Variants in CRYM observed in about 807,000 individuals in gnomAD.
CRYM encodes the protein crystallin mu.
Under a neutral mutation model 32.9 loss-of-function variants are expected in CRYM, and 18 were observed. The observed-to-expected ratio is 0.55, with a 90% CI of 0.38 to 0.81. The LOEUF (loss-of-function observed/expected upper bound fraction) is 0.81, where lower values mean the gene tolerates loss of function less well. CRYM is among the 30% of genes least tolerant of loss of function. The pLI, the probability that CRYM is intolerant of heterozygous loss-of-function variation, is 0.00. For synonymous variants in CRYM, 153 were observed against 152.4 expected (o/e 1.00, Z -0.03); for missense variants, 337 against 393.5 (o/e 0.86, Z 1.21).
At chr16:21,302,063 C>A (rs958931560) in intron 1 of CRYM, among the ~76,000 whole-genome samples, 1 of 152,194 alleles carries the variant, frequency 6.6e-6, no homozygotes, top group Non-Finnish European at 1.5e-5. Context: ...TTCCTCATCC[C>A]CCCGCCAACA....
intron 2 of CRYM, among the ~76,000 whole-genome samples, chr16:21,275,978 A>G (rs2093385395): frequency 6.6e-6 from 1 of 152,174 alleles, no homozygotes; most frequent in African/African-American, 2.4e-5. Context: ...TTGCCAATTG[A>G]CATCTGGACA....
intron 4 of CRYM, among the ~76,000 whole-genome samples, chr16:21,268,377 C>T (rs918330590): frequency 1.3e-5 from 2 of 152,146 alleles, no homozygotes; most frequent in African/African-American, 4.8e-5. Flanking sequence ...ATGGTAGCTA[C>T]GGCTGGAATC....
chr16:21,299,789 C>T (rs749306271), intron 1 of CRYM: 2 of 152,150 alleles, frequency 1.3e-5, no homozygotes, highest in African/African-American at 2.4e-5. Context: ...GTCATATTGC[C>T]TTTTGTATTA....
intron 1 of CRYM, among the ~76,000 whole-genome samples, chr16:21,302,730 G>A (rs961001455): frequency 6.6e-6 from 1 of 152,180 alleles, no homozygotes; most frequent in African/African-American, 2.4e-5. Flanking sequence ...CTGGGAGATA[G>A]GGGGACCGTC....
chr16:21,263,992 A>G (rs1202375143), intron 5 of CRYM, among the ~76,000 whole-genome samples: 1 of 152,260 alleles, frequency 6.6e-6, no homozygotes, highest in Admixed American at 6.5e-5. Flanking sequence ...AGATTACTCT[A>G]TGGTCCAAAC....
At chr16:21,267,460 T>G (rs1358787338) in intron 5 of CRYM, 94 bp downstream of exon 5, 1 of 1,318,676 alleles carries the variant, frequency 7.6e-7, no homozygotes, top group Non-Finnish European at 1.1e-6. Flanking sequence ...GCATTCTGCA[T>G]GAATAAACTG....
intron 7 of CRYM, among the ~76,000 whole-genome samples, chr16:21,259,383 C>CACTTGT (rs991675605): frequency 7.9e-5 from 12 of 152,074 alleles, no homozygotes; most frequent in African/African-American, 2.9e-4. Flanking sequence ...GCTGGGCTTA[C>CACTTGT]AGGCATGAGC....
intron 5 of CRYM, 99 bp from the exon 6 acceptor site, chr16:21,262,257 ACACT>A: frequency 6.8e-7 from 1 of 1,478,280 alleles, no homozygotes. Context: ...ACTCGTGAAC[ACACT>A]CAGATTCAAA....
At chr16:21,290,429 C>T (rs990269507) in intron 1 of CRYM, among the ~76,000 whole-genome samples, 3 of 152,088 alleles carry the variant, frequency 2.0e-5, no homozygotes, top group Non-Finnish European at 4.4e-5. Context: ...GGAAGAAACT[C>T]GGGACACATC....
intron 1 of CRYM, among the ~76,000 whole-genome samples, chr16:21,292,514 C>T (rs925337200): frequency 6.6e-6 from 1 of 152,102 alleles, no homozygotes; most frequent in Non-Finnish European, 1.5e-5. Flanking sequence ...TTTATACGCT[C>T]AAAACAATCT....
intron 3 of CRYM, among the ~76,000 whole-genome samples, chr16:21,271,619 A>C (rs1230332186): frequency 6.6e-6 from 1 of 152,206 alleles, no homozygotes; most frequent in East Asian, 1.9e-4. Context: ...AATATCCACA[A>C]GACTAGAAAT....
intron 5 of CRYM, among the ~76,000 whole-genome samples, chr16:21,266,371 A>G (rs768320701): frequency 6.6e-5 from 10 of 152,214 alleles, no homozygotes; most frequent in Non-Finnish European, 1.2e-4. Context: ...GACATTATAC[A>G]TAGAATAATG....
chr16:21,272,668 G>A (rs1363722464), intron 3 of CRYM, among the ~76,000 whole-genome samples: 1 of 114,732 alleles, frequency 8.7e-6, no homozygotes, highest in Admixed American at 9.5e-5. Context: ...TTTTTTTTTT[G>A]GAGACTGAGT....
At chr16:21,270,437 C>A (rs1199069577) in intron 3 of CRYM, among the ~76,000 whole-genome samples, 1 of 152,098 alleles carries the variant, frequency 6.6e-6, no homozygotes, top group Non-Finnish European at 1.5e-5. Flanking sequence ...GTGTGCGCCA[C>A]AACACCCAGC....
At chr16:21,263,079 G>C (rs1241862500) in intron 5 of CRYM, among the ~76,000 whole-genome samples, 1 of 151,936 alleles carries the variant, frequency 6.6e-6, no homozygotes, top group African/African-American at 2.4e-5. Flanking sequence ...TCACTCTGTT[G>C]CCCAGGCTGG....
At chr16:21,274,451 G>A (rs2093382099) in intron 3 of CRYM, among the ~76,000 whole-genome samples, 2 of 152,136 alleles carry the variant, frequency 1.3e-5, no homozygotes, top group African/African-American at 4.8e-5. Context: ...AACATGTTAT[G>A]TGGCTTTTTG....
chr16:21,284,289 G>T (rs990734720), intron 1 of CRYM, among the ~76,000 whole-genome samples: 2 of 152,044 alleles, frequency 1.3e-5, no homozygotes, highest in Non-Finnish European at 2.9e-5. Context: ...ACTTCATCGG[G>T]CTTTTCTTTT....
chr16:21,297,509 A>G (rs779992561), intron 1 of CRYM, among the ~76,000 whole-genome samples: 7 of 152,252 alleles, frequency 4.6e-5, no homozygotes, highest in Non-Finnish European at 4.4e-5. Flanking sequence ...ATTGATTGGC[A>G]GAGCTTGTGT....
intron 1 of CRYM, chr16:21,302,840 A>G (rs1960987172): frequency 6.6e-6 from 1 of 152,398 alleles, no homozygotes; most frequent in African/African-American, 2.4e-5. Context: ...AGAGTTACAG[A>G]TATCTCAAGA....
Sources: gnomAD v4.1 joint callset for allele counts (sites outside exome capture counted in the v4.1 genomes callset) on GRCh38, gnomAD v4.1.1 for gene constraint, MANE v1.5 for transcripts, NCBI Gene and HGNC (gene_info 2026-07-23, HGNC 2026-07-21) for gene names.